The following UTP20 variants were observed in gnomAD, a reference collection of about 807,000 sequenced individuals.
The protein encoded by UTP20 is small subunit processome component 20 homolog.
UTP20 carries 164 observed loss-of-function variants against 329.5 expected under a neutral mutation model. That is an observed-to-expected ratio of 0.50 (90% CI 0.44 to 0.57). The LOEUF is 0.57. UTP20 is among the 20% of genes least tolerant of loss of function. The pLI is 0.00. For missense variants in UTP20, 3,055 were observed against 3,284.2 expected (o/e 0.93, Z 1.71); for synonymous variants, 1,151 against 1,159.3 (o/e 0.99, Z 0.14).
rs1869890023 is a variant in UTP20 at position 101,360,846 on chromosome 12, A to G, written c.5692-1116A>G. 2.0e-5 allele frequency among the ~76,000 whole-genome samples: 3 copies of G among 152,164 alleles called. No individual in the cohort carries two copies. The South Asian group carries it at 6.2e-4, about 32-fold the overall frequency. On this transcript the variant is annotated intron_variant, in intron 43 of 61. Coordinates refer to ENST00000261637, the MANE Select transcript of UTP20 (RefSeq NM_014503.3). Reference sequence around the variant, plus strand: ...TCTGCCTCCAAAAAAATAAAAGACCACAAGAAGGTACATAAGAAACTATGC... The same window carrying G: ...TCTGCCTCCAAAAAAATAAAAGACCGCAAGAAGGTACATAAGAAACTATGC...
chr12:101,297,072 C>T (rs1389026616), intron 12 of UTP20, among the ~76,000 whole-genome samples: 3 of 152,046 alleles, frequency 2.0e-5, no homozygotes, highest in Non-Finnish European at 4.4e-5. Context: ...GATGGGCATT[C>T]CTTGAGTTTG....
chr12:101,281,938 C>G (rs985761980), intron 2 of UTP20, among the ~76,000 whole-genome samples: 1 of 152,028 alleles, frequency 6.6e-6, no homozygotes, highest in Non-Finnish European at 1.5e-5. Flanking sequence ...CTCCTGACCT[C>G]GTGATCTGCT....
chr12:101,331,850 T>C (rs946561430), intron 27 of UTP20, among the ~76,000 whole-genome samples: 1 of 152,034 alleles, frequency 6.6e-6, no homozygotes, highest in Admixed American at 6.5e-5. Flanking sequence ...ACTAATCAAG[T>C]GGGAAAACAA....
rs77062861 is a variant in UTP20, at chr12:101,338,372, G to A, written c.3868+95G>A. Reference sequence around the variant, plus strand: ...AAAATCAGTATAATTTGACTCACTCGAGAGCATATGCTCAGAAGTTTCTTT... The same window carrying A: ...AAAATCAGTATAATTTGACTCACTCAAGAGCATATGCTCAGAAGTTTCTTT... On this transcript the variant is annotated intron_variant, in intron 30 of 61. Transcript: ENST00000261637. 10,866 of 1,238,992 alleles carry A rather than the reference G, an allele frequency of 8.8e-3. 117 individuals carry two copies. The highest frequency in any genetic ancestry group is 0.05 in the African/African-American group (3,358 of 66,852). 76.7% of individuals were successfully genotyped at this position (1,238,992 alleles called of 1,614,324 possible).
Position 101,375,821 on chromosome 12 carries a change from T to C in UTP20, c.7396+65T>C. On this transcript the variant is annotated intron_variant, in intron 56 of 61. Transcript: ENST00000261637. ...TGTCATAGAATTACTGAAAGTAGAT[T>C]TGAGAAATTCGAATATGAATACTTC... is the stretch of plus-strand genomic sequence containing the variant. 3 of 1,067,916 alleles carry C rather than the reference T, an allele frequency of 2.8e-6. No individual in the cohort carries two copies. In the South Asian group the frequency reaches 4.6e-5, roughly 16 times the overall value. 66.2% of individuals were successfully genotyped at this position (1,067,916 alleles called of 1,614,324 possible).
chr12:101,325,112 T>A (rs1341263596), intron 25 of UTP20, among the ~76,000 whole-genome samples: 1 of 152,230 alleles, frequency 6.6e-6, no homozygotes, highest in African/African-American at 2.4e-5. Flanking sequence ...TTTACAAACC[T>A]TTTGACATCT....
At chr12:101,360,890 G>C (rs1347362310) in intron 43 of UTP20, among the ~76,000 whole-genome samples, 1 of 152,070 alleles carries the variant, frequency 6.6e-6, no homozygotes, top group South Asian at 2.1e-4. Context: ...CCCAATCTAC[G>C]TTTTGACAAC....
intron 56 of UTP20, among the ~76,000 whole-genome samples, chr12:101,379,061 TTCTC>T (rs982377427): frequency 1.3e-5 from 2 of 152,220 alleles, no homozygotes; most frequent in Admixed American, 6.5e-5. Flanking sequence ...TGAACATTTA[TTCTC>T]TCTTTGTGTT....
At position 101,338,946 on chromosome 12, in the gene UTP20, C is replaced by T. The variant is rs780596752; in HGVS notation, c.4002C>T (p.Gly1334=). Residue 1334 remains glycine, a synonymous_variant, in exon 31 of 62, where the codon GGC becomes GGT. Transcript: ENST00000261637. The stretch of plus-strand genomic sequence containing the variant: ...GAGCACAAGTCAGTAAAGAGCTTGG[C>T]ATTCTTTCAAAGTAAGTGATATGTT... ...KNRAQVSKEL[G]ILSKISKFMK... 6.3e-7 allele frequency: 1 copy of T among 1,592,630 alleles called. No homozygotes were observed.
intron 8 of UTP20, chr12:101,291,216 T>C: frequency 5.1e-6 from 1 of 195,112 alleles, no homozygotes; most frequent in Non-Finnish European, 1.0e-5. Flanking sequence ...AGTAATATTC[T>C]CTCCCTCAGG....
chr12:101,285,862 G>A lies in UTP20; in HGVS notation c.307G>A (p.Ala103Thr). 6.2e-7 allele frequency: 1 copy of A among 1,613,702 alleles called. No individual in the cohort carries two copies. Among genetic ancestry groups the A allele is most frequent in the Non-Finnish European group, 8.5e-7 (1 of 1,179,826 alleles). Residue 103 changes from alanine to threonine, a missense_variant, in exon 4 of 62, where the codon GCC (alanine) becomes ACC (threonine). This residue lies in a region of UTP20 where 2,445 missense variants were observed against 2,575.5 expected (regional missense o/e 0.95). Transcript: ENST00000261637. ...TCACCTGCAAGTTAAGAACAGTTTT[G>A]CCTATCAACCCCTTTTGGAGTAAGT... Reference protein sequence around the residue: ...KTHLQVKNSFAYQPLLDLVVQ... With the variant: ...KTHLQVKNSFTYQPLLDLVVQ...
At position 101,363,706 on chromosome 12, in the gene UTP20, A is replaced by C; in HGVS notation, c.5921A>C (p.Lys1974Thr). ...GAAATCCTCGGCAAGTTTGTAGGAA[A>C]AGATCAGGTTACAAAACTCATCCTT... ...SYEILGKFVGKDQVTKLILPL... is the reference protein window; with the variant it reads ...SYEILGKFVGTDQVTKLILPL... Residue 1974 changes from lysine (K) to threonine (T), a missense_variant, in exon 45 of 62, where the codon AAA becomes ACA. Physicochemically the swap from Lys to Thr is moderately conservative, Grantham distance 78. This residue lies in a region of UTP20 where 2,445 missense variants were observed against 2,575.5 expected (regional missense o/e 0.95). Transcript: ENST00000261637. The C allele has an allele frequency of 6.2e-7, 1 of 1,612,208 alleles. No individual in the cohort carries two copies. The highest frequency in any genetic ancestry group is 1.7e-5 in the Admixed American group (1 of 60,018).
intron 32 of UTP20, among the ~76,000 whole-genome samples, chr12:101,342,046 T>C (rs1317136742): frequency 6.6e-6 from 1 of 152,170 alleles, no homozygotes; most frequent in Non-Finnish European, 1.5e-5. Flanking sequence ...GTGTGGGTGA[T>C]ATGCAAATAC....
chr12:101,374,558 A>G (rs1870409863), intron 54 of UTP20, among the ~76,000 whole-genome samples: 1 of 150,196 alleles, frequency 6.7e-6, no homozygotes, highest in African/African-American at 2.5e-5. Context: ...TTAAAAATGG[A>G]AAAAAAAATT....
At chr12:101,374,525 G>T (rs181753115) in intron 54 of UTP20, among the ~76,000 whole-genome samples, 1 of 152,128 alleles carries the variant, frequency 6.6e-6, no homozygotes, top group African/African-American at 2.4e-5. Flanking sequence ...GTGGGCATGA[G>T]ACTTCTTTCC....
chr12:101,366,730 A>T, intron 47 of UTP20, 31 bp downstream of exon 47: 2 of 1,601,938 alleles, frequency 1.2e-6, no homozygotes, highest in Non-Finnish European at 1.7e-6. Context: ...GAGACTTGCT[A>T]CTTTCAGGGA....
intron 23 of UTP20, among the ~76,000 whole-genome samples, chr12:101,320,644 GT>G (rs895442602): frequency 4.6e-5 from 7 of 152,106 alleles, no homozygotes; most frequent in African/African-American, 1.7e-4. Context: ...GTGTCAGAGA[GT>G]TTTGTTTCCA....
At chr12:101,324,807 A>C (rs1358764442) in intron 25 of UTP20, among the ~76,000 whole-genome samples, 1 of 152,150 alleles carries the variant, frequency 6.6e-6, no homozygotes, top group African/African-American at 2.4e-5. Flanking sequence ...GAGAAGTTGC[A>C]TCAGTATTTA....
intron 28 of UTP20, among the ~76,000 whole-genome samples, chr12:101,334,087 G>C (rs1334381570): frequency 6.6e-6 from 1 of 152,186 alleles, no homozygotes. Context: ...GTAACCCCTT[G>C]GTGATGGTAA....
Sources: allele counts gnomAD v4.1 joint callset (sites outside exome capture counted in the v4.1 genomes callset), GRCh38; gene constraint gnomAD v4.1.1; regional missense constraint gnomAD v4.1.1; transcripts MANE v1.5; gene names NCBI Gene and HGNC (gene_info 2026-07-23, HGNC 2026-07-21).